Variants in SDHAF3 observed in about 807,000 individuals in gnomAD.
SDHAF3 encodes the protein succinate dehydrogenase assembly factor 3, mitochondrial.
In SDHAF3, 18 loss-of-function variants were observed where a neutral mutation model predicts 11.5. The observed-to-expected ratio is 1.56, with a 90% confidence interval of 1.08 to 2.32. The LOEUF (loss-of-function observed/expected upper bound fraction) is 2.32, where lower values mean the gene tolerates loss of function less well. Among genes scored for constraint, SDHAF3 ranks in the 30% most tolerant of loss-of-function variants. The probability of loss-of-function intolerance (pLI) is 0.00; values close to 1 mark genes in which losing one functional copy is unlikely to be tolerated. For synonymous variants in SDHAF3, 72 were observed against 59.3 expected (o/e 1.21, Z -0.99); for missense variants, 200 against 154.4 (o/e 1.30, Z -1.57).
At chr7:97,118,599 G>A (rs1276248162) in intron 1 of SDHAF3, among the ~76,000 whole-genome samples, 2 of 148,702 alleles carry the variant, frequency 1.3e-5, no homozygotes, top group Non-Finnish European at 3.0e-5. Context: ...AGAGTATTTC[G>A]TGGGGCTCGG....
rs140883694 is a variant in SDHAF3, at chr7:97,150,357, A to G, written c.175-30655A>G. ...GTCCAGATCCATCAGAGGAATCACT[A>G]TCTATGTCAGCTATAGTCTTTCAAA... is the stretch of plus-strand genomic sequence containing the variant. On this transcript the variant is annotated intron_variant, in intron 1 of 1. Coordinates refer to ENST00000432641, the MANE Select transcript of SDHAF3 (RefSeq NM_020186.3). Among the ~76,000 whole-genome samples the G allele has an allele frequency of 2.4e-3, 368 of 152,318 alleles. 2 individuals carry two copies. The highest frequency in any genetic ancestry group is 2.2e-3 in the Non-Finnish European group (149 of 68,040).
chr7:97,159,030 A>G (rs531457227), intron 1 of SDHAF3, among the ~76,000 whole-genome samples: 1 of 152,354 alleles, frequency 6.6e-6, no homozygotes, highest in East Asian at 1.9e-4. Flanking sequence ...AGAACATAGT[A>G]TAAAGTTACA....
intron 1 of SDHAF3, among the ~76,000 whole-genome samples, chr7:97,180,085 ATAGT>A (rs896468694): frequency 6.6e-6 from 1 of 152,214 alleles, no homozygotes; most frequent in African/African-American, 2.4e-5. Flanking sequence ...GCAGATGGGG[ATAGT>A]TGGAATATTA....
intron 1 of SDHAF3, among the ~76,000 whole-genome samples, chr7:97,168,909 A>G (rs1789558219): frequency 6.6e-6 from 1 of 152,204 alleles, no homozygotes; most frequent in Non-Finnish European, 1.5e-5. Flanking sequence ...TTGATTACAG[A>G]TATGTAGACT....
At chr7:97,174,840 T>C (rs1430752083) in intron 1 of SDHAF3, among the ~76,000 whole-genome samples, 1 of 152,250 alleles carries the variant, frequency 6.6e-6, no homozygotes, top group Non-Finnish European at 1.5e-5. Flanking sequence ...CTTTCTTCAC[T>C]GTAAAGTTGC....
chr7:97,168,173 C>T (rs902236566), intron 1 of SDHAF3, among the ~76,000 whole-genome samples: 9 of 152,110 alleles, frequency 5.9e-5, no homozygotes, highest in Admixed American at 1.3e-4. Flanking sequence ...AACGTGTTCA[C>T]GTGCCTAATT....
intron 1 of SDHAF3, among the ~76,000 whole-genome samples, chr7:97,160,935 TAAAAAA>T (rs113096526): frequency 1.4e-5 from 2 of 147,378 alleles, no homozygotes; most frequent in African/African-American, 5.0e-5. Context: ...TGTCATCTCT[TAAAAAA>T]AAAAAGTACA....
intron 1 of SDHAF3, among the ~76,000 whole-genome samples, chr7:97,139,595 G>A (rs372279000): frequency 6.6e-6 from 1 of 152,184 alleles, no homozygotes; most frequent in Admixed American, 6.5e-5. Context: ...TTGACTTTTA[G>A]GCTTTAAACT....
intron 1 of SDHAF3, among the ~76,000 whole-genome samples, chr7:97,154,920 G>A (rs866517049): frequency 6.6e-6 from 1 of 151,996 alleles, no homozygotes; most frequent in Non-Finnish European, 1.5e-5. Flanking sequence ...TAATTACTCG[G>A]GTACCTTAGT....
intron 1 of SDHAF3, among the ~76,000 whole-genome samples, chr7:97,171,470 T>C (rs1235583124): frequency 1.3e-5 from 2 of 152,146 alleles, no homozygotes; most frequent in Non-Finnish European, 1.5e-5. Flanking sequence ...ATCAGACTAA[T>C]TCTGATTGTG....
At chr7:97,168,811 A>G (rs1160515516) in intron 1 of SDHAF3, among the ~76,000 whole-genome samples, 1 of 152,134 alleles carries the variant, frequency 6.6e-6, no homozygotes, top group Non-Finnish European at 1.5e-5. Flanking sequence ...CTTTTAGCCT[A>G]TAAATAAATA....
chr7:97,168,735 T>C lies in SDHAF3; in HGVS notation c.175-12277T>C, dbSNP rs556535188. On this transcript the variant is annotated intron_variant, in intron 1 of 1. Coordinates refer to ENST00000432641, the MANE Select transcript of SDHAF3 (RefSeq NM_020186.3). ...AGGTGAGAGGTTTCATACACTTGGCTTTTGTGTTTTCTTCATGCCTTTTAC... is the reference window on the plus strand; with the variant it reads ...AGGTGAGAGGTTTCATACACTTGGCCTTTGTGTTTTCTTCATGCCTTTTAC... Among the ~76,000 whole-genome samples, 4 of 152,348 alleles carry C rather than the reference T, an allele frequency of 2.6e-5. No homozygotes were observed. In the South Asian group the frequency reaches 8.3e-4, roughly 32 times the overall value.
At chr7:97,147,090 T>C (rs1789147619) in intron 1 of SDHAF3, among the ~76,000 whole-genome samples, 1 of 152,224 alleles carries the variant, frequency 6.6e-6, no homozygotes, top group Non-Finnish European at 1.5e-5. Context: ...CTGACAGATA[T>C]TTCTGTAGGA....
At chr7:97,172,091 G>C (rs1417129022) in intron 1 of SDHAF3, among the ~76,000 whole-genome samples, 2 of 152,020 alleles carry the variant, frequency 1.3e-5, no homozygotes, top group Non-Finnish European at 2.9e-5. Flanking sequence ...GAGGTGTTCA[G>C]AACAAAATAT....
chr7:97,174,006 GA>G (rs1789644484), intron 1 of SDHAF3, among the ~76,000 whole-genome samples: 1 of 151,242 alleles, frequency 6.6e-6, no homozygotes, highest in Non-Finnish European at 1.5e-5. Context: ...TGCAACCTCC[GA>G]CTCCTGGTTT....
chr7:97,166,920 T>G (rs1789514598), intron 1 of SDHAF3, among the ~76,000 whole-genome samples: 1 of 152,238 alleles, frequency 6.6e-6, no homozygotes. Flanking sequence ...ATGACTAAAC[T>G]TAAAATGGAT....
chr7:97,181,138 T>G lies in SDHAF3; in HGVS notation c.301T>G (p.Leu101Val). ...NDFRDEQIGQ[L>V]QELMQEATKP... ...CTTTCGTGATGAACAAATTGGACAG[T>G]TGCAGGAGCTGATGCAAGAAGCCAC... The change falls in exon 2 of 2, where the codon TTG (leucine) becomes GTG (valine). Residue 101 changes from leucine (L) to valine (V), a missense_variant. Leu to Val is a conservative substitution (Grantham distance 32). Transcript: ENST00000432641. 6.2e-7 allele frequency: 1 copy of G among 1,614,016 alleles called. No homozygotes were observed. Among genetic ancestry groups the G allele is most frequent in the Non-Finnish European group, 8.5e-7 (1 of 1,179,942 alleles).
chr7:97,160,838 G>A (rs986475536), intron 1 of SDHAF3, among the ~76,000 whole-genome samples: 36 of 152,064 alleles, frequency 2.4e-4, no homozygotes. Context: ...GGCACAATAA[G>A]ACTTTTCTTT....
intron 1 of SDHAF3, among the ~76,000 whole-genome samples, chr7:97,175,146 A>T (rs1490913908): frequency 6.6e-6 from 1 of 152,216 alleles, no homozygotes; most frequent in Non-Finnish European, 1.5e-5. Context: ...GGTAAGAAGA[A>T]ATCTAATATA....
Sources: allele counts gnomAD v4.1 joint callset (sites outside exome capture counted in the v4.1 genomes callset), GRCh38; gene constraint gnomAD v4.1.1; transcripts MANE v1.5; gene names NCBI Gene and HGNC (gene_info 2026-07-23, HGNC 2026-07-21).